The following ZNF131 variants were observed in gnomAD, a reference collection of about 807,000 sequenced individuals.
ZNF131 encodes zinc finger protein 131.
A neutral mutation model predicts 60.0 loss-of-function variants in ZNF131; 7 were observed. The ratio of observed to expected loss-of-function variants is 0.12; its 90% confidence interval spans 0.07 to 0.22. The LOEUF (loss-of-function observed/expected upper bound fraction) is 0.22, where lower values mean the gene tolerates loss of function less well. ZNF131 is among the 10% of genes least tolerant of loss of function. ZNF131 has a pLI of 1.00. For missense variants in ZNF131, 493 were observed against 740.9 expected (o/e 0.67, Z 3.88); for synonymous variants, 257 against 253.2 (o/e 1.01, Z -0.14).
intron 1 of ZNF131, 124 bp from the exon 2 acceptor site, chr5:43,121,915 T>A: frequency 9.0e-7 from 1 of 1,114,372 alleles, no homozygotes; most frequent in South Asian, 1.7e-5. Flanking sequence ...CTTTCTCTCC[T>A]CTTGCTTCAC....
intron 4 of ZNF131, among the ~76,000 whole-genome samples, chr5:43,158,704 A>G (rs1749266585): frequency 6.6e-6 from 1 of 152,214 alleles, no homozygotes; most frequent in Admixed American, 6.5e-5. Flanking sequence ...TTCAACCCAT[A>G]ATAATAGGCA....
chr5:43,165,648 G>T (rs1750253732), intron 5 of ZNF131, among the ~76,000 whole-genome samples: 1 of 152,190 alleles, frequency 6.6e-6, no homozygotes, highest in Non-Finnish European at 1.5e-5. Context: ...TTCCGTTTCT[G>T]TAGCCCAGGC....
chr5:43,170,054 A>AT (rs1750794928), intron 5 of ZNF131, among the ~76,000 whole-genome samples: 1 of 152,166 alleles, frequency 6.6e-6, no homozygotes, highest in African/African-American at 2.4e-5. Context: ...CCTCCCTAAT[A>AT]ATATGCACAT....
intron 5 of ZNF131, among the ~76,000 whole-genome samples, chr5:43,172,307 G>A (rs1360544271): frequency 6.6e-6 from 1 of 152,136 alleles, no homozygotes; most frequent in Non-Finnish European, 1.5e-5. Flanking sequence ...TTTCCTGCCT[G>A]GAGGTTTTTA....
chr5:43,149,528 G>T lies in ZNF131; in HGVS notation c.371+10219G>T, dbSNP rs555636584. 9.2e-5 allele frequency among the ~76,000 whole-genome samples: 14 copies of T among 152,234 alleles called. No individual in the cohort carries two copies. In the South Asian group the frequency reaches 2.7e-3, roughly 29 times the overall value. On this transcript the variant is annotated intron_variant, in intron 4 of 6. Coordinates refer to ENST00000682664, the MANE Select transcript of ZNF131 (RefSeq NM_001330707.2). Reference sequence around the variant, plus strand: ...TTGTGTAACAAGTTTTTGGACATACGCTTTCATTTTTCTTGGTAGATACCT... The same window carrying T: ...TTGTGTAACAAGTTTTTGGACATACTCTTTCATTTTTCTTGGTAGATACCT...
chr5:43,135,481 G>T (rs1199119431), intron 3 of ZNF131, among the ~76,000 whole-genome samples: 2 of 150,770 alleles, frequency 1.3e-5, no homozygotes, highest in East Asian at 2.0e-4. Flanking sequence ...GGGCACAGTG[G>T]CTCACGCCTG....
At chr5:43,128,573 T>C (rs372309205) in intron 3 of ZNF131, among the ~76,000 whole-genome samples, 4 of 144,200 alleles carry the variant, frequency 2.8e-5, no homozygotes, top group South Asian at 4.4e-4. Flanking sequence ...AGGAGAATGG[T>C]GTGAACCTGG....
rs567286429 is a variant in ZNF131, at chr5:43,135,187, G to C, written c.227-3978G>C. On this transcript the variant is annotated intron_variant, in intron 3 of 6. Coordinates refer to ENST00000682664, the MANE Select transcript of ZNF131 (RefSeq NM_001330707.2). ...CTAATTTTGTATTTTTAGTAGAGAC[G>C]GGGTTTCTCCATGTTGAGGCTGGTC... Among the ~76,000 whole-genome samples the C allele has an allele frequency of 5.4e-4, 82 of 151,112 alleles. No individual in the cohort carries two copies. The East Asian group carries it at 0.016, about 30-fold the overall frequency.
At position 43,146,974 on chromosome 5, in the gene ZNF131, T is replaced by C. The variant is rs866679112; in HGVS notation, c.371+7665T>C. 2.6e-5 allele frequency among the ~76,000 whole-genome samples: 4 copies of C among 152,176 alleles called. No individual in the cohort carries two copies. In the South Asian group the frequency reaches 6.2e-4, roughly 24 times the overall value. On this transcript the variant is annotated intron_variant, in intron 4 of 6. Transcript: ENST00000682664. ...AATCAAGATCAGGGGAACACTTTTA[T>C]CATTCTAGAAGCTTGTCTCATGATT...
At chr5:43,153,478 A>AAAAAC (rs1748580696) in intron 4 of ZNF131, among the ~76,000 whole-genome samples, 1 of 151,026 alleles carries the variant, frequency 6.6e-6, no homozygotes, top group African/African-American at 2.4e-5. Context: ...AAAAAAAAAA[A>AAAAAC]AAAAAAAAAA....
At chr5:43,162,774 A>G (rs1323599175) in intron 5 of ZNF131, among the ~76,000 whole-genome samples, 1 of 142,656 alleles carries the variant, frequency 7.0e-6, no homozygotes, top group African/African-American at 2.6e-5. Flanking sequence ...GCATGGTGGC[A>G]GGCACCTGTA....
chr5:43,161,238 A>G lies in ZNF131; in HGVS notation c.372-11A>G, dbSNP rs1431354305. The G allele has an allele frequency of 7.0e-6, 11 of 1,581,370 alleles. No individual in the cohort carries two copies. The highest frequency in any genetic ancestry group is 1.4e-5 in the African/African-American group (1 of 73,092). The stretch of plus-strand genomic sequence containing the variant: ...TATAGATTTTTTAAACCCCTACATT[A>G]TGTATTTCAGGAACAAAGAAAACTC... On this transcript the variant is annotated splice_polypyrimidine_tract_variant and intron_variant, in intron 4 of 6. Coordinates refer to ENST00000682664, the MANE Select transcript of ZNF131 (RefSeq NM_001330707.2).
chr5:43,132,818 C>T (rs1368001919), intron 3 of ZNF131, among the ~76,000 whole-genome samples: 1 of 152,048 alleles, frequency 6.6e-6, no homozygotes, highest in East Asian at 1.9e-4. Flanking sequence ...CAGCCAGGAA[C>T]GTTTCTTTAC....
intron 4 of ZNF131, among the ~76,000 whole-genome samples, chr5:43,157,451 A>G (rs989001670): frequency 6.0e-4 from 91 of 152,212 alleles, no homozygotes; most frequent in Admixed American, 3.7e-3. Context: ...CCCATTCCCA[A>G]TGAATCTTAG....
rs1375753057 is a variant in ZNF131 at position 43,161,722 on chromosome 5, C to T, written c.845C>T (p.Ser282Leu). The T allele has an allele frequency of 3.1e-6, 5 of 1,614,222 alleles. No individual in the cohort carries two copies. In the East Asian group the frequency reaches 1.1e-4, roughly 36 times the overall value. ...LFYHFKEHMKSHSTESFKCEI... is the reference protein window; with the variant it reads ...LFYHFKEHMKLHSTESFKCEI... ...TACCATTTTAAGGAGCACATGAAAT[C>T]ACACTCCACTGAGAGTTTCAAGTGT... The change falls in exon 5 of 7, where the codon TCA (serine) becomes TTA (leucine). Residue 282 changes from serine to leucine, a missense_variant. Transcript: ENST00000682664.
At chr5:43,136,945 A>G (rs1029105872) in intron 3 of ZNF131, among the ~76,000 whole-genome samples, 1 of 152,214 alleles carries the variant, frequency 6.6e-6, no homozygotes, top group African/African-American at 2.4e-5. Flanking sequence ...AGGGATGCCA[A>G]GAATGCACAA....
intron 4 of ZNF131, among the ~76,000 whole-genome samples, chr5:43,156,031 G>C (rs961985455): frequency 6.6e-6 from 1 of 152,202 alleles, no homozygotes; most frequent in Non-Finnish European, 1.5e-5. Context: ...GAGGTTTGCA[G>C]GTTTGCTGCA....
chr5:43,143,001 T>A (rs1219039353), intron 4 of ZNF131, among the ~76,000 whole-genome samples: 2 of 151,056 alleles, frequency 1.3e-5, no homozygotes, highest in African/African-American at 4.9e-5. Flanking sequence ...TGGCCAGACA[T>A]GGTTTCTTTT....
intron 3 of ZNF131, chr5:43,124,007 C>T (rs1476792229): frequency 6.6e-6 from 1 of 152,248 alleles, no homozygotes; most frequent in Non-Finnish European, 1.5e-5. Context: ...GCTTGTAGTC[C>T]CAGCTACTCG....
Sources: allele counts gnomAD v4.1 joint callset (sites outside exome capture counted in the v4.1 genomes callset), GRCh38; gene constraint gnomAD v4.1.1; transcripts MANE v1.5; gene names NCBI Gene and HGNC (gene_info 2026-07-23, HGNC 2026-07-21).